The following NXPH2 variants were observed in gnomAD, a reference collection of about 807,000 sequenced individuals.
The protein encoded by NXPH2 is neurexophilin 2.
In NXPH2, 5 loss-of-function variants were observed where a neutral mutation model predicts 19.8. That is an observed-to-expected ratio of 0.25 (90% CI 0.13 to 0.53). NXPH2 has a LOEUF of 0.53. Ranked by LOEUF, NXPH2 falls within the 20% of genes least tolerant of loss-of-function variation. The pLI is 0.96. For missense variants in NXPH2, 289 were observed against 322.8 expected, an observed-to-expected ratio of 0.90 and a Z score of 0.80; for synonymous variants, 154 against 127.4, an observed-to-expected ratio of 1.21 and a Z score of -1.41.
At chr2:138,706,649 C>A in intron 1 of NXPH2, among the ~76,000 whole-genome samples, 1 of 152,232 alleles carries the variant, frequency 6.6e-6, no homozygotes, top group East Asian at 1.9e-4. Context: ...TCGTGGTTCA[C>A]GCCTGTAATC....
chr2:138,754,880 A>G (rs1313682412), intron 1 of NXPH2, among the ~76,000 whole-genome samples: 1 of 152,082 alleles, frequency 6.6e-6, no homozygotes, highest in Non-Finnish European at 1.5e-5. Context: ...AGTAATTGGT[A>G]TTGTTAGATT....
At chr2:138,695,530 T>G (rs1680817154) in intron 1 of NXPH2, among the ~76,000 whole-genome samples, 1 of 152,180 alleles carries the variant, frequency 6.6e-6, no homozygotes, top group Admixed American at 6.6e-5. Context: ...TATATATTCA[T>G]GTATTTTGAT....
At chr2:138,686,911 C>T (rs999500726) in intron 1 of NXPH2, among the ~76,000 whole-genome samples, 6 of 152,248 alleles carry the variant, frequency 3.9e-5, no homozygotes, top group African/African-American at 9.6e-5. Flanking sequence ...CATAGTATTC[C>T]ATGGTGTATA....
chr2:138,764,154 G>A (rs1558932187), intron 1 of NXPH2, among the ~76,000 whole-genome samples: 1 of 152,072 alleles, frequency 6.6e-6, no homozygotes, highest in Non-Finnish European at 1.5e-5. Context: ...GGAGAGGTCT[G>A]CAAATGCTGT....
intron 1 of NXPH2, among the ~76,000 whole-genome samples, chr2:138,774,372 T>C (rs949276665): frequency 6.6e-6 from 1 of 152,212 alleles, no homozygotes; most frequent in Non-Finnish European, 1.5e-5. Context: ...ATCCATCTTG[T>C]AGTGTTTTAA....
intron 1 of NXPH2, among the ~76,000 whole-genome samples, chr2:138,708,593 G>C (rs1326000639): frequency 6.6e-6 from 1 of 152,150 alleles, no homozygotes; most frequent in Non-Finnish European, 1.5e-5. Context: ...ACTCCTGAAA[G>C]ACAACAAATG....
intron 1 of NXPH2, among the ~76,000 whole-genome samples, chr2:138,713,816 T>C (rs1437645404): frequency 1.3e-5 from 2 of 152,146 alleles, no homozygotes; most frequent in East Asian, 3.9e-4. Flanking sequence ...ATCCAATGTG[T>C]TCCTTATCAA....
At chr2:138,736,203 G>T (rs1681536130) in intron 1 of NXPH2, among the ~76,000 whole-genome samples, 1 of 152,188 alleles carries the variant, frequency 6.6e-6, no homozygotes, top group Non-Finnish European at 1.5e-5. Context: ...ACTCTGTGTG[G>T]GGGCTCCTAT....
intron 1 of NXPH2, among the ~76,000 whole-genome samples, chr2:138,740,487 C>A (rs1366853953): frequency 6.6e-6 from 1 of 152,088 alleles, no homozygotes; most frequent in Non-Finnish European, 1.5e-5. Context: ...AATGAATCCG[C>A]TAATTAAATT....
At chr2:138,680,814 C>G (rs1053344554) in intron 1 of NXPH2, among the ~76,000 whole-genome samples, 1 of 152,172 alleles carries the variant, frequency 6.6e-6, no homozygotes, top group Non-Finnish European at 1.5e-5. Flanking sequence ...GGAATTTATA[C>G]TCCTTTGTAT....
At position 138,692,199 on chromosome 2, in the gene NXPH2, C is replaced by T. The variant is rs938743847; in HGVS notation, c.52-20534G>A. Among the ~76,000 whole-genome samples the T allele has an allele frequency of 3.4e-4, 52 of 152,268 alleles. 1 individual carries two copies. The highest frequency in any genetic ancestry group is 2.1e-4 in the South Asian group (1 of 4,824). On this transcript the variant is annotated intron_variant, in intron 1 of 1. Transcript: ENST00000272641. ...GGGATCTGCCTAAATTCTGCCTCCACGATTTCATGGTTCCTGTTGAAGCAG... is the reference window on the plus strand; with the variant it reads ...GGGATCTGCCTAAATTCTGCCTCCATGATTTCATGGTTCCTGTTGAAGCAG...
chr2:138,735,061 T>C (rs566168478), intron 1 of NXPH2, among the ~76,000 whole-genome samples: 3 of 152,226 alleles, frequency 2.0e-5, no homozygotes, highest in Non-Finnish European at 4.4e-5. Context: ...GGCAGTTATA[T>C]TGGGTAATAA....
chr2:138,715,372 A>C (rs1376664298), intron 1 of NXPH2, among the ~76,000 whole-genome samples: 2 of 152,204 alleles, frequency 1.3e-5, no homozygotes, highest in African/African-American at 2.4e-5. Flanking sequence ...TTTGCAGGGA[A>C]TTTTTTGAGC....
intron 1 of NXPH2, among the ~76,000 whole-genome samples, chr2:138,774,895 T>A (rs1682236446): frequency 6.6e-6 from 1 of 152,268 alleles, no homozygotes; most frequent in Non-Finnish European, 1.5e-5. Flanking sequence ...TATCCTTCTC[T>A]ATCTTCTAGT....
intron 1 of NXPH2, among the ~76,000 whole-genome samples, chr2:138,723,732 C>T (rs945559088): frequency 3.3e-5 from 5 of 152,160 alleles, no homozygotes; most frequent in African/African-American, 1.2e-4. Flanking sequence ...AGAGGTGGTG[C>T]TGGAGAGAAG....
intron 1 of NXPH2, among the ~76,000 whole-genome samples, chr2:138,714,833 C>G (rs1681164911): frequency 6.6e-6 from 1 of 152,190 alleles, no homozygotes; most frequent in Non-Finnish European, 1.5e-5. Context: ...AACTTGAATT[C>G]ATGTCAAATA....
chr2:138,731,145 C>T (rs949396848), intron 1 of NXPH2, among the ~76,000 whole-genome samples: 1 of 152,088 alleles, frequency 6.6e-6, no homozygotes, highest in Non-Finnish European at 1.5e-5. Flanking sequence ...CTCCATTGTG[C>T]TGCTTGCTTT....
chr2:138,750,270 T>C (rs1231896311), intron 1 of NXPH2, among the ~76,000 whole-genome samples: 1 of 152,214 alleles, frequency 6.6e-6, no homozygotes, highest in African/African-American at 2.4e-5. Flanking sequence ...ATGTAAAAGT[T>C]GTGTTCTGGT....
At chr2:138,747,189 G>T (rs1156762017) in intron 1 of NXPH2, among the ~76,000 whole-genome samples, 1 of 152,148 alleles carries the variant, frequency 6.6e-6, no homozygotes, top group Non-Finnish European at 1.5e-5. Flanking sequence ...CATGCATCCT[G>T]AGGGTGGACA....
Sources: allele counts gnomAD v4.1 joint callset (sites outside exome capture counted in the v4.1 genomes callset), GRCh38; gene constraint gnomAD v4.1.1; transcripts MANE v1.5; gene names NCBI Gene and HGNC (gene_info 2026-07-23, HGNC 2026-07-21).